The following BPIFB6 variants were observed in gnomAD, a reference collection of about 807,000 sequenced individuals.
BPIFB6 encodes the protein BPI fold-containing family B member 6.
Under a neutral mutation model 54.7 loss-of-function variants are expected in BPIFB6, and 47 were observed. The observed-to-expected ratio is 0.86, with a 90% CI of 0.68 to 1.10. The LOEUF (loss-of-function observed/expected upper bound fraction) is 1.10, where lower values mean the gene tolerates loss of function less well. Among genes scored for constraint, BPIFB6 ranks in the 50% least tolerant of loss-of-function variants. BPIFB6 has a pLI of 0.00. For missense variants in BPIFB6, 603 were observed against 564.1 expected, an observed-to-expected ratio of 1.07 and a Z score of -0.70; for synonymous variants, 255 against 225.9, an observed-to-expected ratio of 1.13 and a Z score of -1.16.
intron 1 of BPIFB6, among the ~76,000 whole-genome samples, chr20:33,032,178 C>A (rs78767810): frequency 6.6e-6 from 1 of 152,272 alleles, no homozygotes; most frequent in Non-Finnish European, 1.5e-5. Context: ...CAGTCTGTCC[C>A]TAGCAGGATA....
At chr20:33,033,211 G>A in intron 2 of BPIFB6, 128 bp downstream of exon 2, 1 of 749,924 alleles carries the variant, frequency 1.3e-6, no homozygotes, top group Non-Finnish European at 2.4e-6. Flanking sequence ...CCTGCCTTGT[G>A]CTGTCTTGCT....
At chr20:33,043,454 AAGGGTAGAGCCTGGG>A (rs1979677490) in intron 14 of BPIFB6, 87 bp downstream of exon 14, 6 of 1,308,102 alleles carry the variant, frequency 4.6e-6, no homozygotes, top group Non-Finnish European at 6.6e-6. Flanking sequence ...TCAAACTGGA[AAGGGTAGAGCCTGGG>A]AGGGCAGGTG....
At chr20:33,035,768 C>A in intron 6 of BPIFB6, 96 bp downstream of exon 6, 2 of 1,325,666 alleles carry the variant, frequency 1.5e-6, no homozygotes, top group South Asian at 1.2e-5. Flanking sequence ...CTGCTTCCAG[C>A]CCAGCCTTGG....
intron 3 of BPIFB6, 30 bp from the exon 4 acceptor site, chr20:33,034,733 C>T: frequency 6.4e-7 from 1 of 1,573,700 alleles, no homozygotes; most frequent in Middle Eastern, 1.7e-4. Flanking sequence ...GGCAGAGATG[C>T]CCATGGTGCC....
chr20:33,039,445 C>A lies in BPIFB6; in HGVS notation c.999C>A (p.His333Gln). Residue 333 changes from histidine to glutamine, a missense_variant, in exon 10 of 15, where the codon CAC becomes CAA. Transcript: ENST00000349552. ...TGAAGACAGGCAAGAGCCTGCTGCA[C>A]CTCCACAGCACCCTGGAGATGTTCG... ...VTMKTGKSLL[H>Q]LHSTLEMFAA... 6.2e-7 allele frequency: 1 copy of A among 1,614,246 alleles called. No homozygotes were observed.
Position 33,034,774 on chromosome 20 carries a change from G to C in BPIFB6, c.314G>C (p.Gly105Ala), listed in dbSNP as rs200655488. ...MTVTGKSFMG[G>A]NMEIIVALNI... ...GCTCTGTCCTCCAGCTTCATGGGAGGGAACATGGAGATCATCGTGGCCCTG... is the reference window on the plus strand; with the variant it reads ...GCTCTGTCCTCCAGCTTCATGGGAGCGAACATGGAGATCATCGTGGCCCTG... The change falls in exon 4 of 15, where the codon GGG (glycine) becomes GCG (alanine). Residue 105 changes from glycine (G) to alanine (A), a missense_variant. Transcript: ENST00000349552. 6.2e-7 allele frequency: 1 copy of C among 1,609,472 alleles called. No homozygotes were observed. The highest frequency in any genetic ancestry group is 2.2e-5 in the East Asian group (1 of 44,722).
At chr20:33,036,623 G>T (rs1474921476) in intron 7 of BPIFB6, 87 bp downstream of exon 7, 3 of 1,282,810 alleles carry the variant, frequency 2.3e-6, no homozygotes, top group Non-Finnish European at 2.3e-6. Context: ...CAGGTGGCTG[G>T]ACTAGGGCTG....
chr20:33,043,181 G>C (rs1979664496), intron 13 of BPIFB6, 110 bp from the exon 14 acceptor site: 3 of 939,426 alleles, frequency 3.2e-6, no homozygotes, highest in East Asian at 2.4e-5. Context: ...CAGCTGGCAG[G>C]CATCATGAAT....
rs765631164 is a variant in BPIFB6, at chr20:33,038,946, C to T, written c.884C>T (p.Ala295Val). 2 of 1,614,080 alleles carry T rather than the reference C, an allele frequency of 1.2e-6. No individual in the cohort carries two copies. The highest frequency in any genetic ancestry group is 8.5e-7 in the Non-Finnish European group (1 of 1,180,004). Reference protein sequence around the residue: ...ELPPQTTKTLARFIPEVAVAY... With the variant: ...ELPPQTTKTLVRFIPEVAVAY... ...CCCCCACAAACCACCAAGACCCTGGCTCGCTTCATTCCTGAAGTGAGTGCC... is the reference window on the plus strand; with the variant it reads ...CCCCCACAAACCACCAAGACCCTGGTTCGCTTCATTCCTGAAGTGAGTGCC... Residue 295 changes from alanine (A) to valine (V), a missense_variant, in exon 9 of 15, where the codon GCT (alanine) becomes GTT (valine). Physicochemically the swap from Ala to Val is moderately conservative, Grantham distance 64. Coordinates refer to ENST00000349552, the MANE Select transcript of BPIFB6 (RefSeq NM_174897.2).
intron 12 of BPIFB6, among the ~76,000 whole-genome samples, chr20:33,042,581 T>A (rs530673431): frequency 6.6e-6 from 1 of 152,224 alleles, no homozygotes; most frequent in South Asian, 2.1e-4. Flanking sequence ...TTCCTGTTCC[T>A]GCACCATGGC....
intron 5 of BPIFB6, 89 bp from the exon 6 acceptor site, chr20:33,035,523 C>A: frequency 2.2e-6 from 3 of 1,371,268 alleles, no homozygotes; most frequent in Non-Finnish European, 3.1e-6. Context: ...CCCACCAGGG[C>A]TCTTGGGATG....
chr20:33,031,814 C>A, intron 1 of BPIFB6, 70 bp downstream of exon 1: 1 of 1,290,536 alleles, frequency 7.7e-7, no homozygotes, highest in African/African-American at 1.5e-5. Flanking sequence ...GTAGTCACTG[C>A]TCTTGGTTGC....
In BPIFB6 at chr20:33,037,630, T is replaced by A. The variant is rs770755150; in HGVS notation, c.738T>A (p.Pro246=). Residue 246 remains proline, a synonymous_variant, in exon 8 of 15, where the codon CCT becomes CCA. Coordinates refer to ENST00000349552, the MANE Select transcript of BPIFB6 (RefSeq NM_174897.2). The part of the protein sequence containing the change: ...LADAGEALTF[P]EGYAKGSSQL... ...ATGCCGGGGAGGCCCTCACGTTCCC[T>A]GAGGGTTATGCCAAAGGCTCGTCGC... 6.2e-7 allele frequency: 1 copy of A among 1,614,142 alleles called. No homozygotes were observed. Among genetic ancestry groups the A allele is most frequent in the Non-Finnish European group, 8.5e-7 (1 of 1,180,024 alleles).
intron 14 of BPIFB6, 141 bp downstream of exon 14, chr20:33,043,508 T>C (rs451899): frequency 0.55 from 400,649 of 724,434 alleles, 115,132 homozygotes; most frequent in East Asian, 0.8. Flanking sequence ...CCCCTCAGAA[T>C]CTAGAACACT....
At position 33,036,419 on chromosome 20, in the gene BPIFB6, T is replaced by C. The variant is rs756916836; in HGVS notation, c.578-26T>C. 3.1e-6 allele frequency: 5 copies of C among 1,589,634 alleles called. No individual in the cohort carries two copies. The South Asian group carries it at 3.4e-5, about 11-fold the overall frequency. ...GGCTGTTCCTGGGGTTGGTGCCTCT[T>C]TGAGTGGAACCTCCTTTTCACACAG... On this transcript the variant is annotated intron_variant, in intron 6 of 14. Coordinates refer to ENST00000349552, the MANE Select transcript of BPIFB6 (RefSeq NM_174897.2).
At chr20:33,034,071 A>G in intron 2 of BPIFB6, 115 bp from the exon 3 acceptor site, 1 of 761,694 alleles carries the variant, frequency 1.3e-6, no homozygotes, top group Non-Finnish European at 2.4e-6. Flanking sequence ...CCCCCATGAC[A>G]TGGGATAGGA....
rs769668730 is a variant in BPIFB6, at chr20:33,043,306, G to T, written c.1268G>T (p.Gly423Val). 3 of 1,614,138 alleles carry T rather than the reference G, an allele frequency of 1.9e-6. No individual in the cohort carries two copies. Among genetic ancestry groups the T allele is most frequent in the South Asian group, 2.2e-5 (2 of 91,076 alleles). Residue 423 changes from glycine to valine, a missense_variant, in exon 14 of 15, where the codon GGG (glycine) becomes GTG (valine). Physicochemically the swap from Gly to Val is moderately radical, Grantham distance 109. Transcript: ENST00000349552. ...IPVVNDVLQV[G>V]LPLPDFLAMN... ...TATTTCTCAGATGTGCTTCAAGTGG[G>T]GCTCCCACTCCCGGACTTTCTGGCC...
chr20:33,043,943 C>T (rs1979699051), intron 14 of BPIFB6, 72 bp from the exon 15 acceptor site: 13 of 1,566,950 alleles, frequency 8.3e-6, no homozygotes, highest in Non-Finnish European at 1.1e-5. Context: ...TGACAAGGGG[C>T]CCAGTTCCAT....
Position 33,037,618 on chromosome 20 carries a change from C to T in BPIFB6, c.726C>T (p.Ala242=). The change falls in exon 8 of 15, where the codon GCC becomes GCT. Residue 242 remains alanine (A), a synonymous_variant. Coordinates refer to ENST00000349552, the MANE Select transcript of BPIFB6 (RefSeq NM_174897.2). ...KTIKLADAGE[A]LTFPEGYAKG... ...TCAAGCTTGCTGATGCCGGGGAGGC[C>T]CTCACGTTCCCTGAGGGTTATGCCA... 1.2e-6 allele frequency: 2 copies of T among 1,614,054 alleles called. No homozygotes were observed. Among genetic ancestry groups the T allele is most frequent in the Non-Finnish European group, 1.7e-6 (2 of 1,179,958 alleles).
Sources: gnomAD v4.1 joint callset for allele counts (sites outside exome capture counted in the v4.1 genomes callset) on GRCh38, gnomAD v4.1.1 for gene constraint, MANE v1.5 for transcripts, NCBI Gene and HGNC (gene_info 2026-07-23, HGNC 2026-07-21) for gene names.